Variants in GRID1 observed in about 807,000 individuals in gnomAD.
GRID1 encodes the protein glutamate receptor ionotropic, delta-1.
Under a neutral mutation model 98.0 loss-of-function variants are expected in GRID1, and 28 were observed. The observed-to-expected ratio is 0.29, with a 90% confidence interval of 0.21 to 0.39. The LOEUF is 0.39. Ranked by LOEUF, GRID1 falls within the 10% of genes least tolerant of loss-of-function variation. GRID1 has a pLI of 1.00. For missense variants in GRID1, 1,111 were observed against 1,340.5 expected (o/e 0.83, Z 2.67); for synonymous variants, 553 against 538.5 (o/e 1.03, Z -0.37).
At chr10:85,959,934 T>G (rs1227864998) in intron 4 of GRID1, among the ~76,000 whole-genome samples, 1 of 152,058 alleles carries the variant, frequency 6.6e-6, no homozygotes, top group East Asian at 1.9e-4. Context: ...CAGGCTGGAG[T>G]GCAGTGGCAC....
chr10:85,915,352 ACACT>A (rs941250071), intron 5 of GRID1, among the ~76,000 whole-genome samples: 43 of 152,028 alleles, frequency 2.8e-4, no homozygotes, highest in African/African-American at 8.2e-4. Flanking sequence ...TCATGCACAC[ACACT>A]CATACATACA....
chr10:85,915,950 T>C (rs532720565), intron 5 of GRID1, among the ~76,000 whole-genome samples: 313 of 152,320 alleles, frequency 2.1e-3, no homozygotes, highest in African/African-American at 7.1e-3. Context: ...CACTGCCCTC[T>C]GACTTTTGAC....
chr10:85,803,806 A>G (rs1842598084), intron 8 of GRID1, among the ~76,000 whole-genome samples: 1 of 152,098 alleles, frequency 6.6e-6, no homozygotes, highest in African/African-American at 2.4e-5. Flanking sequence ...TGGGGTATCC[A>G]TCACCTCACA....
At chr10:85,992,164 A>G (rs753153104) in intron 4 of GRID1, among the ~76,000 whole-genome samples, 4 of 151,746 alleles carry the variant, frequency 2.6e-5, no homozygotes, top group Non-Finnish European at 5.9e-5. Context: ...ATAAGGAGGG[A>G]GGAGGAGGAG....
chr10:85,688,738 G>T (rs556242320), intron 12 of GRID1, among the ~76,000 whole-genome samples: 28 of 152,324 alleles, frequency 1.8e-4, no homozygotes, highest in African/African-American at 6.5e-4. Context: ...AATGAATAAT[G>T]TTGGTAGAAT....
At chr10:86,014,670 A>G (rs1842959529) in intron 4 of GRID1, among the ~76,000 whole-genome samples, 1 of 152,244 alleles carries the variant, frequency 6.6e-6, no homozygotes, top group Non-Finnish European at 1.5e-5. Flanking sequence ...CCAGAAGCGC[A>G]CTGCCATAGC....
intron 13 of GRID1, among the ~76,000 whole-genome samples, chr10:85,620,853 C>T (rs1842850912): frequency 6.6e-6 from 1 of 152,230 alleles, no homozygotes; most frequent in Non-Finnish European, 1.5e-5. Context: ...CATGCACACA[C>T]TCACATGCAT....
intron 2 of GRID1, among the ~76,000 whole-genome samples, chr10:86,224,334 A>T (rs912631057): frequency 1.3e-4 from 20 of 152,148 alleles, no homozygotes; most frequent in African/African-American, 4.8e-4. Flanking sequence ...CTCCTCCCCC[A>T]GTACATTCTT....
chr10:86,038,100 G>A (rs1843294444), intron 4 of GRID1, among the ~76,000 whole-genome samples: 1 of 152,154 alleles, frequency 6.6e-6, no homozygotes, highest in South Asian at 2.1e-4. Flanking sequence ...TCTAAGGAGA[G>A]AGGCCTCAGG....
chr10:85,781,800 C>T (rs925209058), intron 8 of GRID1, among the ~76,000 whole-genome samples: 1 of 144,730 alleles, frequency 6.9e-6, no homozygotes, highest in African/African-American at 2.6e-5. Context: ...ATATATTGTA[C>T]ATTTGAAAAA....
chr10:86,347,857 T>C (rs1218616212), intron 2 of GRID1, among the ~76,000 whole-genome samples: 1 of 152,176 alleles, frequency 6.6e-6, no homozygotes. Context: ...GGTGATAGTC[T>C]CAGATGGTCC....
intron 2 of GRID1, among the ~76,000 whole-genome samples, chr10:86,214,571 G>GCAC (rs1456124142): frequency 1.3e-5 from 2 of 152,154 alleles, no homozygotes; most frequent in East Asian, 3.9e-4. Flanking sequence ...CAGCACAGCA[G>GCAC]AGCAAGAAAC....
chr10:86,068,026 C>T (rs539176424), intron 4 of GRID1, among the ~76,000 whole-genome samples: 3 of 152,302 alleles, frequency 2.0e-5, no homozygotes, highest in East Asian at 1.9e-4. Flanking sequence ...ATTAGAACTA[C>T]GATTTTTGGA....
At chr10:86,104,445 T>C (rs1463479986) in intron 4 of GRID1, among the ~76,000 whole-genome samples, 2 of 152,164 alleles carry the variant, frequency 1.3e-5, no homozygotes, top group Non-Finnish European at 2.9e-5. Context: ...GGGCATAGGA[T>C]TCCCTCCCAG....
At chr10:86,177,439 G>A (rs1164060150) in intron 3 of GRID1, among the ~76,000 whole-genome samples, 2 of 151,912 alleles carry the variant, frequency 1.3e-5, no homozygotes, top group Non-Finnish European at 2.9e-5. Flanking sequence ...GACTGTGTAT[G>A]GGGGGGTGGG....
At chr10:86,191,558 T>A (rs1197929886) in intron 3 of GRID1, among the ~76,000 whole-genome samples, 3 of 148,502 alleles carry the variant, frequency 2.0e-5, no homozygotes, top group Non-Finnish European at 4.5e-5. Flanking sequence ...CTGAGAAGCA[T>A]GGTCAGGAGA....
At position 86,218,078 on chromosome 10, in the gene GRID1, GTC is replaced by G. The variant is rs1443909503; in HGVS notation, c.236-11432_236-11431del. 3.3e-5 allele frequency among the ~76,000 whole-genome samples: 5 copies of G among 152,228 alleles called. No homozygotes were observed. In the South Asian group the frequency reaches 1.0e-3, roughly 32 times the overall value. ...GCTCTCCCTCTTCATCTCAACCTAT[GTC>G]TGACTTTTGTTTTTAGCTTTCTCTG... is the stretch of plus-strand genomic sequence containing the variant. On this transcript the variant is annotated intron_variant, in intron 2 of 15. Transcript: ENST00000327946.
intron 4 of GRID1, among the ~76,000 whole-genome samples, chr10:86,034,143 A>G (rs1460017744): frequency 6.6e-6 from 1 of 152,224 alleles, no homozygotes; most frequent in East Asian, 1.9e-4. Context: ...TGAGGTACTT[A>G]TAGATGTGCT....
intron 4 of GRID1, among the ~76,000 whole-genome samples, chr10:86,138,233 A>G (rs946025584): frequency 6.6e-6 from 1 of 152,210 alleles, no homozygotes; most frequent in African/African-American, 2.4e-5. Flanking sequence ...AAATGAATGG[A>G]TTCTTTACTA....
Sources: gnomAD v4.1 joint callset for allele counts (sites outside exome capture counted in the v4.1 genomes callset) on GRCh38, gnomAD v4.1.1 for gene constraint, MANE v1.5 for transcripts, NCBI Gene and HGNC (gene_info 2026-07-23, HGNC 2026-07-21) for gene names.